The following DENND5A variants were observed in gnomAD, a reference collection of about 807,000 sequenced individuals.
DENND5A encodes the protein DENN domain-containing protein 5A.
Under a neutral mutation model 140.3 loss-of-function variants are expected in DENND5A, and 64 were observed. The observed-to-expected ratio is 0.46, with a 90% CI of 0.37 to 0.56. The LOEUF (loss-of-function observed/expected upper bound fraction) is 0.56, where lower values mean the gene tolerates loss of function less well. Ranked by LOEUF, DENND5A falls within the 20% of genes least tolerant of loss-of-function variation. DENND5A has a pLI of 0.00. For missense variants in DENND5A, 1,292 were observed against 1,593.8 expected (o/e 0.81, Z 3.22); for synonymous variants, 605 against 607.7 (o/e 1.00, Z 0.07).
intron 3 of DENND5A, among the ~76,000 whole-genome samples, chr11:9,206,003 G>A (rs770248334): frequency 5.9e-5 from 9 of 152,194 alleles, no homozygotes; most frequent in Non-Finnish European, 1.0e-4. Context: ...TTGGCCATGC[G>A]AGCTTGAATA....
At chr11:9,235,668 A>G (rs936222077) in intron 1 of DENND5A, among the ~76,000 whole-genome samples, 44 of 151,948 alleles carry the variant, frequency 2.9e-4, no homozygotes, top group African/African-American at 9.2e-4. Context: ...AAAAAAAAAA[A>G]AAAGAAAAAA....
At chr11:9,251,478 T>G (rs540093499) in intron 1 of DENND5A, among the ~76,000 whole-genome samples, 1 of 152,138 alleles carries the variant, frequency 6.6e-6, no homozygotes, top group Non-Finnish European at 1.5e-5. Context: ...CGGTCTAAAC[T>G]ATACCTATTG....
At chr11:9,216,302 C>A (rs945567583) in intron 1 of DENND5A, among the ~76,000 whole-genome samples, 2 of 152,182 alleles carry the variant, frequency 1.3e-5, no homozygotes, top group African/African-American at 4.8e-5. Flanking sequence ...GCATGGGAAT[C>A]CCACCTTTTA....
At chr11:9,209,230 G>C (rs1345437245) in intron 1 of DENND5A, among the ~76,000 whole-genome samples, 2 of 152,172 alleles carry the variant, frequency 1.3e-5, no homozygotes, top group African/African-American at 4.8e-5. Flanking sequence ...ATGGCTCTAG[G>C]CGTCTATGGC....
intron 4 of DENND5A, 115 bp downstream of exon 4, chr11:9,203,544 TG>T: frequency 8.2e-7 from 1 of 1,224,082 alleles, no homozygotes; most frequent in Non-Finnish European, 1.1e-6. Flanking sequence ...GCAAAAGATC[TG>T]GGTTTTGCTC....
At chr11:9,191,252 C>G (rs1849114373) in intron 5 of DENND5A, among the ~76,000 whole-genome samples, 3 of 151,946 alleles carry the variant, frequency 2.0e-5, no homozygotes, top group Non-Finnish European at 4.4e-5. Context: ...CACTGTCACC[C>G]AGGCTGGAGT....
At chr11:9,229,319 T>C (rs1850664750) in intron 1 of DENND5A, among the ~76,000 whole-genome samples, 1 of 152,020 alleles carries the variant, frequency 6.6e-6, no homozygotes, top group Non-Finnish European at 1.5e-5. Context: ...ACACATTTGG[T>C]GTCAGAGGTG....
Position 9,244,855 on chromosome 11 carries a change from T to C in DENND5A, c.109+20106A>G, listed in dbSNP as rs571512196. Among the ~76,000 whole-genome samples the C allele has an allele frequency of 3.4e-4, 52 of 152,066 alleles. No individual in the cohort carries two copies. In the South Asian group the frequency reaches 4.2e-3, roughly 12 times the overall value. On this transcript the variant is annotated intron_variant, in intron 1 of 22. Transcript: ENST00000328194. ...CAGAAAGCTAATGTTTGTATCTTTA[T>C]TCATAGAGACAGGGTTTCGCCGTGT...
intron 1 of DENND5A, among the ~76,000 whole-genome samples, chr11:9,222,337 C>T (rs1247221110): frequency 6.6e-6 from 1 of 151,962 alleles, no homozygotes; most frequent in Non-Finnish European, 1.5e-5. Context: ...TATTATTATA[C>T]CTAGAAAAAT....
chr11:9,182,380 G>A (rs577273897), intron 5 of DENND5A, among the ~76,000 whole-genome samples: 1 of 152,246 alleles, frequency 6.6e-6, no homozygotes, highest in South Asian at 2.1e-4. Context: ...CTATTTTACA[G>A]ACAAAAACTG....
rs372265718 is a variant in DENND5A at position 9,224,043 on chromosome 11, A to T, written c.110-16411T>A. ...CCTGTCTCTACTAAAAAAATACAAA[A>T]ATTAGCCAGGTGTGGTGGCGCATGC... is the stretch of plus-strand genomic sequence containing the variant. On this transcript the variant is annotated intron_variant, in intron 1 of 22. Coordinates refer to ENST00000328194, the MANE Select transcript of DENND5A (RefSeq NM_015213.4). Among the ~76,000 whole-genome samples the T allele has an allele frequency of 2.3e-4, 35 of 151,548 alleles. No homozygotes were observed. In the East Asian group the frequency reaches 3.1e-3, roughly 14 times the overall value.
In DENND5A at chr11:9,170,672, G is replaced by C. The variant is rs776323061; in HGVS notation, c.2012C>G (p.Pro671Arg). ...GGAAAGTACATCAGACTGCAGCTTA[G>C]GGAAGAAGCCCGGCTCATATTTCCC... is the stretch of plus-strand genomic sequence containing the variant. Reference protein sequence around the residue: ...GQGKYEPGFFPKLQSDVLSTG... With the variant: ...GQGKYEPGFFRKLQSDVLSTG... The change falls in exon 9 of 23, where the codon CCT becomes CGT. Residue 671 changes from proline (P) to arginine (R), a missense_variant. By Grantham distance (103) the Pro-to-Arg change is moderately radical. Transcript: ENST00000328194. The C allele has an allele frequency of 1.2e-6, 2 of 1,613,854 alleles. No individual in the cohort carries two copies. Among genetic ancestry groups the C allele is most frequent in the Non-Finnish European group, 1.7e-6 (2 of 1,180,002 alleles).
intron 1 of DENND5A, among the ~76,000 whole-genome samples, chr11:9,208,309 A>C (rs534334740): frequency 4.0e-4 from 61 of 152,342 alleles, no homozygotes; most frequent in African/African-American, 1.3e-3. Context: ...AACCATTCAG[A>C]GTACACTTGC....
intron 1 of DENND5A, among the ~76,000 whole-genome samples, chr11:9,228,522 G>A (rs1850627155): frequency 1.3e-5 from 2 of 152,114 alleles, no homozygotes; most frequent in Admixed American, 6.6e-5. Flanking sequence ...GCCAACGCAG[G>A]TAGATCACCT....
intron 11 of DENND5A, among the ~76,000 whole-genome samples, chr11:9,164,194 ATTTTTT>A (rs779522112): frequency 1.3e-5 from 1 of 79,060 alleles, no homozygotes; most frequent in African/African-American, 4.8e-5. Context: ...ACCACGCCTA[ATTTTTT>A]TTTTTTTTTT....
intron 18 of DENND5A, among the ~76,000 whole-genome samples, chr11:9,144,788 CAA>C (rs112911509): frequency 1.2e-4 from 14 of 116,242 alleles, no homozygotes; most frequent in South Asian, 2.7e-4. Context: ...GACTCCGTCT[CAA>C]AAAAAAAAAA....
intron 1 of DENND5A, among the ~76,000 whole-genome samples, chr11:9,262,454 AG>A (rs1274507226): frequency 6.6e-6 from 1 of 152,158 alleles, no homozygotes; most frequent in African/African-American, 2.4e-5. Flanking sequence ...TCAACATGTT[AG>A]TGTTTTCTAA....
chr11:9,197,503 C>T (rs1204167878), intron 4 of DENND5A, among the ~76,000 whole-genome samples: 1 of 151,326 alleles, frequency 6.6e-6, no homozygotes, highest in Non-Finnish European at 1.5e-5. Flanking sequence ...TGAGACCAGG[C>T]TGGCCAACAT....
At chr11:9,147,266 T>G in intron 15 of DENND5A, 115 bp from the exon 16 acceptor site, 1 of 1,103,830 alleles carries the variant, frequency 9.1e-7, no homozygotes, top group Non-Finnish European at 1.3e-6. Context: ...AGCTTCAAGT[T>G]CCTTAGGTTC....
Sources: allele counts gnomAD v4.1 joint callset (sites outside exome capture counted in the v4.1 genomes callset), GRCh38; gene constraint gnomAD v4.1.1; transcripts MANE v1.5; gene names NCBI Gene and HGNC (gene_info 2026-07-23, HGNC 2026-07-21).